The following FRMPD4 variants were observed in gnomAD, a reference collection of about 807,000 sequenced individuals.
The protein encoded by FRMPD4 is FERM and PDZ domain containing 4.
Under a neutral mutation model 94.1 loss-of-function variants are expected in FRMPD4, and 22 were observed. The observed-to-expected ratio is 0.23, with a 90% CI of 0.17 to 0.33. The LOEUF (loss-of-function observed/expected upper bound fraction) is 0.33. Among genes scored for constraint, FRMPD4 ranks in the 10% least tolerant of loss-of-function variants. The pLI, the probability that FRMPD4 is intolerant of heterozygous loss-of-function variation, is 1.00. For synonymous variants in FRMPD4, 631 were observed against 548.6 expected, an observed-to-expected ratio of 1.15 and a Z score of -2.10; for missense variants, 1,111 against 1,339.9, an observed-to-expected ratio of 0.83 and a Z score of 2.67.
At chrX:12,079,856 TAATCTATTGCTAC>T (rs761047436) in intron 3 of FRMPD4, among the ~76,000 whole-genome samples, 77 of 112,583 alleles carry the variant, frequency 6.8e-4, no homozygotes, top group African/African-American at 2.4e-3. Flanking sequence ...GACCTATTAA[TAATCTATTGCTAC>T]AATATAAACT....
intron 4 of FRMPD4, among the ~76,000 whole-genome samples, chrX:12,618,827 C>G (rs2059260911): frequency 1.8e-5 from 2 of 111,190 alleles, no homozygotes; most frequent in African/African-American, 6.5e-5. Context: ...CCAGAGAAAC[C>G]CACGTGTATA....
intron 3 of FRMPD4, among the ~76,000 whole-genome samples, chrX:12,072,825 G>T (rs1215267794): frequency 1.8e-5 from 2 of 110,746 alleles, no homozygotes; most frequent in African/African-American, 6.6e-5. Context: ...ATAATTTATA[G>T]ATGCAGATGA....
At chrX:12,368,490 C>T (rs760308591) in intron 1 of FRMPD4, among the ~76,000 whole-genome samples, 1 of 108,752 alleles carries the variant, frequency 9.2e-6, no homozygotes, top group Non-Finnish European at 1.9e-5. Flanking sequence ...TACTACCTGG[C>T]GAGGGAACAT....
intron 2 of FRMPD4, among the ~76,000 whole-genome samples, chrX:12,542,297 T>C (rs1169200680): frequency 8.9e-6 from 1 of 111,954 alleles, no homozygotes; most frequent in South Asian, 3.7e-4. Context: ...GGAAGTCAAA[T>C]TGTCCCTGTT....
chrX:12,374,389 C>A (rs2056204626), intron 1 of FRMPD4, among the ~76,000 whole-genome samples: 1 of 111,873 alleles, frequency 8.9e-6, no homozygotes. Flanking sequence ...ATGATCCATG[C>A]CAGAATTATC....
At chrX:12,496,139 A>G (rs2057847593) in intron 1 of FRMPD4, among the ~76,000 whole-genome samples, 1 of 112,508 alleles carries the variant, frequency 8.9e-6, no homozygotes, top group Admixed American at 9.4e-5. Flanking sequence ...GCCTACTTCA[A>G]TTTAAATTTT....
Position 12,138,841 on chromosome X carries a change from C to T in FRMPD4, c.-131C>T. The T allele has an allele frequency of 2.0e-6, 1 of 497,306 alleles. No individual in the cohort carries two copies. The highest frequency in any genetic ancestry group is 3.1e-6 in the Non-Finnish European group (1 of 327,649). The allele number at this position is 497,306 out of a possible 1,213,427, so 41.0% of individuals were successfully genotyped here. A position where few individuals can be genotyped will look rare whatever the true frequency, so the allele number is the denominator to read the frequency against. On this transcript the variant is annotated 5_prime_UTR_variant, in exon 1 of 17. Coordinates refer to ENST00000675598, the MANE Select transcript of FRMPD4 (RefSeq NM_001368397.1). ...GGTGCAGGTTCTCTCCGGCCGCCGC[C>T]GCCACCCGCTGTCGCCGCGACTCGA...
At chrX:12,015,925 C>T (rs2054602425) in intron 3 of FRMPD4, among the ~76,000 whole-genome samples, 1 of 112,206 alleles carries the variant, frequency 8.9e-6, no homozygotes, top group African/African-American at 3.2e-5. Context: ...ACAGAGCCAC[C>T]ATACTCATTG....
intron 1 of FRMPD4, among the ~76,000 whole-genome samples, chrX:12,486,845 C>T (rs2057744321): frequency 8.9e-6 from 1 of 111,867 alleles, no homozygotes; most frequent in Admixed American, 9.5e-5. Context: ...GGATCTTTCT[C>T]TGTGTTCAGT....
chrX:12,433,208 G>A (rs1330920048), intron 1 of FRMPD4, among the ~76,000 whole-genome samples: 1 of 112,216 alleles, frequency 8.9e-6, no homozygotes, highest in African/African-American at 3.2e-5. Context: ...CCAGAAAAGT[G>A]CAGAGCAAAA....
intron 3 of FRMPD4, among the ~76,000 whole-genome samples, chrX:11,942,065 G>A (rs1245997147): frequency 8.9e-6 from 1 of 111,892 alleles, no homozygotes; most frequent in East Asian, 2.8e-4. Context: ...GAAATAGCAA[G>A]GTCAAAGCCT....
chrX:12,531,083 GT>G (rs199845379), intron 2 of FRMPD4, among the ~76,000 whole-genome samples: 2 of 112,005 alleles, frequency 1.8e-5, no homozygotes, highest in South Asian at 3.7e-4. Flanking sequence ...AATTAATCTA[GT>G]TTTTTATGGT....
At chrX:11,899,092 A>G (rs754146110) in intron 3 of FRMPD4, among the ~76,000 whole-genome samples, 8 of 112,622 alleles carry the variant, frequency 7.1e-5, no homozygotes, top group Non-Finnish European at 1.5e-4. Context: ...TGAGAAATAC[A>G]GAAAGTCTGA....
At chrX:12,543,711 A>G (rs1216988717) in intron 2 of FRMPD4, among the ~76,000 whole-genome samples, 4 of 111,553 alleles carry the variant, frequency 3.6e-5, no homozygotes, top group African/African-American at 1.3e-4. Context: ...TAGAAATACC[A>G]TTTGACCCAG....
chrX:11,942,068 C>G (rs745802147), intron 3 of FRMPD4, among the ~76,000 whole-genome samples: 2 of 112,005 alleles, frequency 1.8e-5, no homozygotes, highest in Non-Finnish European at 3.8e-5. Context: ...ATAGCAAGGT[C>G]AAAGCCTATA....
At chrX:12,661,490 T>C (rs1045427860) in intron 4 of FRMPD4, among the ~76,000 whole-genome samples, 11 of 111,632 alleles carry the variant, frequency 9.9e-5, no homozygotes, top group African/African-American at 2.9e-4. Flanking sequence ...ATTCATCTCC[T>C]CTATGTTTCT....
chrX:12,355,272 C>A (rs2055878675), intron 1 of FRMPD4, among the ~76,000 whole-genome samples: 1 of 110,234 alleles, frequency 9.1e-6, no homozygotes, highest in East Asian at 2.8e-4. Context: ...ACCTCCTGGG[C>A]TCAAGTGATC....
At position 12,720,794 on chromosome X, in the gene FRMPD4, T is replaced by C; in HGVS notation, c.4225T>C (p.Ser1409Pro). 1.5e-5 allele frequency: 15 copies of C among 990,586 alleles called. No individual in the cohort carries two copies. The highest frequency in any genetic ancestry group is 1.8e-5 in the Non-Finnish European group (14 of 786,187). 81.6% of individuals were successfully genotyped at this position (990,586 alleles called of 1,213,427 possible). The part of the protein sequence containing the change: ...KALRHSSSIL[S>P]GSVDLETFRE... Reference sequence around the variant, plus strand: ...TCTGAGACATAGCAGCAGTATCCTCTCCGGATCTGTCGATTTGGAGACCTT... The same window carrying C: ...TCTGAGACATAGCAGCAGTATCCTCCCCGGATCTGTCGATTTGGAGACCTT... The change falls in exon 17 of 17, where the codon TCC becomes CCC. Residue 1409 changes from serine (S) to proline (P), a missense_variant. By Grantham distance (74) the Ser-to-Pro change is moderately conservative. Coordinates refer to ENST00000675598, the MANE Select transcript of FRMPD4 (RefSeq NM_001368397.1).
chrX:12,046,972 C>T (rs1170051025), intron 3 of FRMPD4, among the ~76,000 whole-genome samples: 1 of 111,111 alleles, frequency 9.0e-6, no homozygotes, highest in East Asian at 2.8e-4. Context: ...AACAAAAGAT[C>T]CACAGAACTT....
Sources: gnomAD v4.1 joint callset for allele counts (sites outside exome capture counted in the v4.1 genomes callset) on GRCh38, gnomAD v4.1.1 for gene constraint, MANE v1.5 for transcripts, NCBI Gene and HGNC (gene_info 2026-07-23, HGNC 2026-07-21) for gene names.